The following IGSF10 variants were observed in gnomAD, a reference collection of about 807,000 sequenced individuals.
IGSF10 encodes the protein immunoglobulin superfamily member 10, also known as calvaria mechanical force protein 608.
A neutral mutation model predicts 128.2 loss-of-function variants in IGSF10; 126 were observed. The observed-to-expected ratio is 0.98, with a 90% confidence interval of 0.85 to 1.14. The LOEUF is 1.14. IGSF10 is among the 50% of genes most tolerant of loss of function. The pLI, the probability that IGSF10 is intolerant of heterozygous loss-of-function variation, is 0.00. For missense variants in IGSF10, 3,295 were observed against 3,149.8 expected, an observed-to-expected ratio of 1.05 and a Z score of -1.10; for synonymous variants, 1,185 against 1,146.2, an observed-to-expected ratio of 1.03 and a Z score of -0.68.
At chr3:151,451,917 T>C (rs1219337821) in intron 5 of IGSF10, among the ~76,000 whole-genome samples, 1 of 152,164 alleles carries the variant, frequency 6.6e-6, no homozygotes, top group Non-Finnish European at 1.5e-5. Context: ...ATCAACATCT[T>C]TGCAGAATCA....
chr3:151,489,192 G>A, the IGSF10 span, among the ~76,000 whole-genome samples: 1 of 152,148 alleles, frequency 6.6e-6, no homozygotes, highest in Non-Finnish European at 1.5e-5. Flanking sequence ...CTCAAAAGAA[G>A]ACATTCATGC....
the IGSF10 span, among the ~76,000 whole-genome samples, chr3:151,489,978 G>T: frequency 6.6e-6 from 1 of 151,574 alleles, no homozygotes; most frequent in African/African-American, 2.4e-5. Flanking sequence ...AATAACAAAA[G>T]ATGAAGGAAT....
rs79231031 is a variant in IGSF10 at position 151,453,703 on chromosome 3, T to C, written c.396A>G (p.Thr132=). 2.5e-3 allele frequency: 3,970 copies of C among 1,611,080 alleles called. 89 individuals carry two copies. In the African/African-American group the frequency reaches 0.046, roughly 19 times the overall value. ...KDTFYGLRSL[T]RLHMDHNNIE... ...TATTGTTGTGGTCCATGTGCAATCGTGTCAAGCTCCTGAGGCCATAAAAAG... is the reference window on the plus strand; with the variant it reads ...TATTGTTGTGGTCCATGTGCAATCGCGTCAAGCTCCTGAGGCCATAAAAAG... The change falls in exon 5 of 8, where the codon ACA becomes ACG. Residue 132 remains threonine (T), a synonymous_variant. Transcript: ENST00000282466.
chr3:151,466,696 C>A, the IGSF10 span, among the ~76,000 whole-genome samples: 3 of 152,052 alleles, frequency 2.0e-5, no homozygotes, highest in Non-Finnish European at 4.4e-5. Flanking sequence ...CTCCTGCCTT[C>A]GCCTCCCGAG....
At chr3:151,534,842 G>C in the IGSF10 span, among the ~76,000 whole-genome samples, 1 of 144,966 alleles carries the variant, frequency 6.9e-6, no homozygotes, top group Non-Finnish European at 1.5e-5. Context: ...TGAAGGTTTG[G>C]GCAGGGTTAT....
the IGSF10 span, among the ~76,000 whole-genome samples, chr3:151,472,380 G>A: frequency 3.9e-5 from 6 of 152,064 alleles, no homozygotes; most frequent in Non-Finnish European, 8.8e-5. Context: ...TTTTTTGGGG[G>A]ATCCCTGGAA....
the IGSF10 span, among the ~76,000 whole-genome samples, chr3:151,490,808 A>G: frequency 6.6e-6 from 1 of 152,176 alleles, no homozygotes; most frequent in Non-Finnish European, 1.5e-5. Context: ...AAAAGGGAAA[A>G]TAAGAAATTT....
At chr3:151,497,173 A>G in the IGSF10 span, among the ~76,000 whole-genome samples, 1 of 152,076 alleles carries the variant, frequency 6.6e-6, no homozygotes, top group Non-Finnish European at 1.5e-5. Flanking sequence ...GAAGCTCTTT[A>G]GTTTAATTAG....
intron 4 of IGSF10, among the ~76,000 whole-genome samples, chr3:151,454,921 A>T (rs1033339515): frequency 2.0e-5 from 3 of 152,044 alleles, no homozygotes; most frequent in Non-Finnish European, 4.4e-5. Context: ...CATGAGAATC[A>T]TTTGAACTTG....
the IGSF10 span, among the ~76,000 whole-genome samples, chr3:151,466,139 T>G: frequency 6.6e-6 from 1 of 152,244 alleles, no homozygotes; most frequent in African/African-American, 2.4e-5. Context: ...CTTGTTCAAT[T>G]AAACTTTGTC....
chr3:151,525,004 T>C, the IGSF10 span, among the ~76,000 whole-genome samples: 1 of 1,552 alleles, frequency 6.4e-4, no homozygotes, highest in African/African-American at 4.3e-3. Context: ...CATTACACCT[T>C]TTTTTTTTTT....
the IGSF10 span, among the ~76,000 whole-genome samples, chr3:151,512,320 G>T: frequency 6.6e-6 from 1 of 151,776 alleles, no homozygotes; most frequent in East Asian, 1.9e-4. Flanking sequence ...ACTCAAAACC[G>T]CTCAACTACA....
chr3:151,559,118 A>C, the IGSF10 span, among the ~76,000 whole-genome samples: 1 of 152,204 alleles, frequency 6.6e-6, no homozygotes, highest in African/African-American at 2.4e-5. Flanking sequence ...AATTATAGTC[A>C]CAAGACAAAA....
At chr3:151,461,407 T>C, upstream of IGSF10, 1 of 985,280 alleles carries the variant, frequency 1.0e-6, no homozygotes, top group Non-Finnish European at 1.2e-6. Flanking sequence ...AAGGCTAAGT[T>C]AGCGTTAATG....
the IGSF10 span, among the ~76,000 whole-genome samples, chr3:151,524,713 A>G: frequency 6.6e-6 from 1 of 152,154 alleles, no homozygotes; most frequent in Non-Finnish European, 1.5e-5. Flanking sequence ...TTTGTACAAC[A>G]CACCCCTGTG....
At chr3:151,508,888 A>G in the IGSF10 span, among the ~76,000 whole-genome samples, 1 of 152,210 alleles carries the variant, frequency 6.6e-6, no homozygotes, top group Non-Finnish European at 1.5e-5. Context: ...TAAAATTCTA[A>G]TATGTCTGAG....
At chr3:151,479,080 G>A in the IGSF10 span, among the ~76,000 whole-genome samples, 1 of 152,256 alleles carries the variant, frequency 6.6e-6, no homozygotes, top group East Asian at 1.9e-4. Flanking sequence ...CAAATGCATA[G>A]CAGCAAGATA....
At chr3:151,483,818 T>C in the IGSF10 span, among the ~76,000 whole-genome samples, 1 of 152,172 alleles carries the variant, frequency 6.6e-6, no homozygotes, top group Non-Finnish European at 1.5e-5. Context: ...GACCAGGAGA[T>C]TCCCTCCAGT....
the IGSF10 span, among the ~76,000 whole-genome samples, chr3:151,496,518 A>G: frequency 1.6e-5 from 2 of 123,134 alleles, no homozygotes; most frequent in East Asian, 5.0e-4. Context: ...CCTACAAAGG[A>G]CATGAACTCA....
Sources: gnomAD v4.1 joint callset for allele counts (sites outside exome capture counted in the v4.1 genomes callset) on GRCh38, gnomAD v4.1.1 for gene constraint, MANE v1.5 for transcripts, NCBI Gene and HGNC (gene_info 2026-07-23, HGNC 2026-07-21) for gene names.